LDLRAD3: variants seen among roughly 807,000 people sequenced by gnomAD.
LDLRAD3 encodes low-density lipoprotein receptor class A domain-containing protein 3.
LDLRAD3 carries 20 observed loss-of-function variants against 29.4 expected under a neutral mutation model. That is an observed-to-expected ratio of 0.68 (90% confidence interval 0.48 to 0.99). LDLRAD3 has a LOEUF of 0.99. Among genes scored for constraint, LDLRAD3 ranks in the 50% least tolerant of loss-of-function variants. The probability of loss-of-function intolerance (pLI) is 0.00; values close to 1 mark genes in which losing one functional copy is unlikely to be tolerated. For missense variants in LDLRAD3, 420 were observed against 454.3 expected, an observed-to-expected ratio of 0.92 and a Z score of 0.69; for synonymous variants, 157 against 192.7, an observed-to-expected ratio of 0.81 and a Z score of 1.53.
At chr11:36,013,146 C>T (rs1049580751) in intron 1 of LDLRAD3, among the ~76,000 whole-genome samples, 2 of 152,132 alleles carry the variant, frequency 1.3e-5, no homozygotes, top group East Asian at 3.8e-4. Flanking sequence ...GTCCTTTGAG[C>T]AGTACTGAGG....
chr11:35,950,343 A>AGCTTT (rs1851115600), intron 1 of LDLRAD3, among the ~76,000 whole-genome samples: 1 of 152,160 alleles, frequency 6.6e-6, no homozygotes, highest in Admixed American at 6.5e-5. Flanking sequence ...AGAGGTGATG[A>AGCTTT]CACATGTCCT....
intron 4 of LDLRAD3, among the ~76,000 whole-genome samples, chr11:36,221,661 T>A (rs1220530445): frequency 1.3e-5 from 2 of 152,116 alleles, no homozygotes; most frequent in Admixed American, 1.3e-4. Flanking sequence ...GAAACTGAGA[T>A]GCACCATCAG....
chr11:35,980,790 G>A (rs1253576539), intron 1 of LDLRAD3, among the ~76,000 whole-genome samples: 1 of 152,176 alleles, frequency 6.6e-6, no homozygotes, highest in Non-Finnish European at 1.5e-5. Flanking sequence ...TCTACTTAGA[G>A]GTCGTTCTTG....
chr11:36,130,596 T>C (rs960321676), intron 4 of LDLRAD3, among the ~76,000 whole-genome samples: 5 of 152,130 alleles, frequency 3.3e-5, no homozygotes, highest in Non-Finnish European at 7.4e-5. Flanking sequence ...GCTAAGATAG[T>C]GATGACTCCG....
intron 4 of LDLRAD3, chr11:36,197,695 C>T (rs1855055119): frequency 6.6e-6 from 1 of 152,250 alleles, no homozygotes; most frequent in South Asian, 2.1e-4. Flanking sequence ...CGAAACTATA[C>T]CCACCATGGT....
intron 4 of LDLRAD3, among the ~76,000 whole-genome samples, chr11:36,158,105 C>T (rs1430006949): frequency 6.6e-6 from 1 of 152,158 alleles, no homozygotes; most frequent in Admixed American, 6.5e-5. Flanking sequence ...CCCTGACCCA[C>T]TATGTTAGTT....
intron 1 of LDLRAD3, among the ~76,000 whole-genome samples, chr11:35,965,680 A>C (rs981601941): frequency 6.6e-6 from 1 of 152,176 alleles, no homozygotes; most frequent in Non-Finnish European, 1.5e-5. Flanking sequence ...TTTATTTAGC[A>C]TCTGCCAGGC....
At chr11:36,228,036 G>A (rs1198674009) in intron 5 of LDLRAD3, among the ~76,000 whole-genome samples, 8 of 152,212 alleles carry the variant, frequency 5.3e-5, no homozygotes, top group African/African-American at 1.9e-4. Flanking sequence ...AAATGGAATT[G>A]TACAAGAACT....
intron 1 of LDLRAD3, among the ~76,000 whole-genome samples, chr11:36,006,345 C>A (rs1212655743): frequency 6.6e-6 from 1 of 152,156 alleles, no homozygotes; most frequent in Non-Finnish European, 1.5e-5. Flanking sequence ...TGACTTTTCC[C>A]AGCCTTGGTT....
chr11:36,082,370 A>G (rs1853128300), intron 3 of LDLRAD3, among the ~76,000 whole-genome samples: 1 of 152,122 alleles, frequency 6.6e-6, no homozygotes. Flanking sequence ...TTAAGTAGGC[A>G]TGGTGGCACA....
At chr11:35,962,716 C>A (rs1267477437) in intron 1 of LDLRAD3, among the ~76,000 whole-genome samples, 2 of 151,952 alleles carry the variant, frequency 1.3e-5, no homozygotes, top group Non-Finnish European at 2.9e-5. Context: ...TATTTGTTTG[C>A]GAGATGGAAG....
chr11:36,039,831 T>C (rs1398182589), intron 2 of LDLRAD3, among the ~76,000 whole-genome samples: 1 of 152,214 alleles, frequency 6.6e-6, no homozygotes, highest in Non-Finnish European at 1.5e-5. Flanking sequence ...GGTCAAAATG[T>C]TTAGGATCAT....
chr11:36,058,112 C>T (rs1224662377), intron 2 of LDLRAD3, among the ~76,000 whole-genome samples: 2 of 152,214 alleles, frequency 1.3e-5, no homozygotes, highest in Admixed American at 6.5e-5. Flanking sequence ...TCCCAGATTG[C>T]ACATGAAATC....
intron 4 of LDLRAD3, among the ~76,000 whole-genome samples, chr11:36,146,220 T>C (rs991457756): frequency 1.3e-5 from 2 of 152,224 alleles, no homozygotes; most frequent in African/African-American, 4.8e-5. Context: ...AATGTCACCC[T>C]GTGCACTTAC....
At chr11:36,113,037 G>C (rs1483650604) in intron 4 of LDLRAD3, among the ~76,000 whole-genome samples, 1 of 152,212 alleles carries the variant, frequency 6.6e-6, no homozygotes, top group Admixed American at 6.5e-5. Context: ...AAATAGGAAG[G>C]AATGGGAAGA....
At chr11:35,986,902 T>G (rs1320368396) in intron 1 of LDLRAD3, among the ~76,000 whole-genome samples, 2 of 152,244 alleles carry the variant, frequency 1.3e-5, no homozygotes, top group Non-Finnish European at 2.9e-5. Flanking sequence ...TGGGCCCATT[T>G]ACTAGAGAAA....
intron 2 of LDLRAD3, among the ~76,000 whole-genome samples, chr11:36,040,835 G>A (rs1423053375): frequency 2.6e-5 from 4 of 151,784 alleles, no homozygotes; most frequent in African/African-American, 9.7e-5. Context: ...GGCAGCCCTG[G>A]GTAACATCTT....
intron 4 of LDLRAD3, 121 bp from the exon 5 acceptor site, chr11:36,226,964 G>T: frequency 1.3e-6 from 1 of 759,354 alleles, no homozygotes; most frequent in Non-Finnish European, 2.2e-6. Context: ...TCCACTTTTT[G>T]GCTATTGTGA....
At chr11:36,057,783 T>G (rs1383975458) in intron 2 of LDLRAD3, among the ~76,000 whole-genome samples, 1 of 152,194 alleles carries the variant, frequency 6.6e-6, no homozygotes, top group Non-Finnish European at 1.5e-5. Flanking sequence ...CTAGTGATCC[T>G]CAGATATTTT....
Sources: allele counts gnomAD v4.1 joint callset (sites outside exome capture counted in the v4.1 genomes callset), GRCh38; gene constraint gnomAD v4.1.1; transcripts MANE v1.5; gene names NCBI Gene and HGNC (gene_info 2026-07-23, HGNC 2026-07-21).